Variants in TREM1 observed in about 807,000 individuals in gnomAD.
TREM1 encodes the protein triggering receptor expressed on myeloid cells 1, also known as triggering receptor expressed on monocytes 1.
In TREM1, 16 loss-of-function variants were observed where a neutral mutation model predicts 22.4. The ratio of observed to expected loss-of-function variants is 0.71; its 90% CI spans 0.48 to 1.08. TREM1 has a LOEUF of 1.08. TREM1 is among the 50% of genes least tolerant of loss of function. The pLI is 0.00. For synonymous variants in TREM1, 110 were observed against 111.6 expected (o/e 0.99, Z 0.09); for missense variants, 283 against 282.9 (o/e 1.00, Z 0.00).
In TREM1 at chr6:41,284,019, AC is replaced by A. The variant is rs376249548; in HGVS notation, c.50-1269del. Reference sequence around the variant, plus strand: ...GAGAAAGAAAGAGAGAAAAAAACCCACGTTATCTGAGTCATGGACTCAGCTG... The same window carrying A: ...GAGAAAGAAAGAGAGAAAAAAACCCAGTTATCTGAGTCATGGACTCAGCTG... On this transcript the variant is annotated intron_variant, in intron 1 of 3. Coordinates refer to ENST00000244709, the MANE Select transcript of TREM1 (RefSeq NM_018643.5). Among the ~76,000 whole-genome samples the A allele has an allele frequency of 3.7e-3, 556 of 152,036 alleles. 8 individuals carry two copies. Among genetic ancestry groups the A allele is most frequent in the African/African-American group, 0.013 (522 of 41,498 alleles).
chr6:41,276,142 T>C lies in TREM1; in HGVS notation c.688A>G (p.Arg230Gly). Residue 230 changes from arginine (R) to glycine (G), a missense_variant, in exon 4 of 4, where the codon AGG (arginine) becomes GGG (glycine). Coordinates refer to ENST00000244709, the MANE Select transcript of TREM1 (RefSeq NM_018643.5). ...TCGTGGGCCTAGGGTACAAATGACC[T>C]CAGCGTGACAGCAAACAGGACAGAG... ...VFSVLFAVTL[R>G]SFVP 1 of 1,614,032 alleles carries C rather than the reference T, an allele frequency of 6.2e-7. No homozygotes were observed. The highest frequency in any genetic ancestry group is 1.3e-5 in the African/African-American group (1 of 74,986).
At chr6:41,286,171 A>C (rs1355033329) in intron 1 of TREM1, among the ~76,000 whole-genome samples, 2 of 152,214 alleles carry the variant, frequency 1.3e-5, no homozygotes, top group Admixed American at 1.3e-4. Context: ...CTGTGTCCTC[A>C]GCAGTAGTAT....
At position 41,274,256 on chromosome 6, in the gene TREM1, A is replaced by G. The variant is rs971740963; in HGVS notation, c.*1869T>C. Among the ~76,000 whole-genome samples the G allele has an allele frequency of 1.3e-5, 2 of 152,166 alleles. No homozygotes were observed. The highest frequency in any genetic ancestry group is 4.8e-5 in the African/African-American group (2 of 41,432). Reference sequence around the variant, plus strand: ...TTGAGATCCACTAAGAGGGAGCTGTATACTAGTATACAGTAGGTCTGCAGG... The same window carrying G: ...TTGAGATCCACTAAGAGGGAGCTGTGTACTAGTATACAGTAGGTCTGCAGG... On this transcript the variant is annotated 3_prime_UTR_variant, in exon 4 of 4. Transcript: ENST00000244709.
At chr6:41,273,009 C>T (rs1767526653), downstream of TREM1, among the ~76,000 whole-genome samples, 1 of 152,130 alleles carries the variant, frequency 6.6e-6, no homozygotes, top group Admixed American at 6.5e-5. Context: ...AGCAGCTATT[C>T]CTCCCACCCT....
intron 1 of TREM1, among the ~76,000 whole-genome samples, chr6:41,284,393 G>A (rs1367059332): frequency 1.3e-5 from 2 of 152,118 alleles, no homozygotes; most frequent in African/African-American, 4.8e-5. Flanking sequence ...CTTGGAGTCC[G>A]AACTGGGTTA....
chr6:41,277,807 C>T (rs1464600276), intron 3 of TREM1, among the ~76,000 whole-genome samples: 2 of 152,114 alleles, frequency 1.3e-5, no homozygotes, highest in Non-Finnish European at 2.9e-5. Flanking sequence ...TGTGAGATAC[C>T]CCTTGGTTAT....
At chr6:41,271,683 T>G (rs962732013), downstream of TREM1, among the ~76,000 whole-genome samples, 1 of 152,196 alleles carries the variant, frequency 6.6e-6, no homozygotes, top group Non-Finnish European at 1.5e-5. Context: ...AACTTCAAGA[T>G]GCAGTAGAGG....
In TREM1 at chr6:41,273,891, C is replaced by T. The variant is rs982535548; in HGVS notation, c.*2234G>A. On this transcript the variant is annotated 3_prime_UTR_variant, in exon 4 of 4. Transcript: ENST00000244709. ...GACTGTCTCCCCACCCTCGGCTCTCCTCTCATGCTTCCCATTGGCTCAACC... is the reference window on the plus strand; with the variant it reads ...GACTGTCTCCCCACCCTCGGCTCTCTTCTCATGCTTCCCATTGGCTCAACC... 6.6e-6 allele frequency among the ~76,000 whole-genome samples: 1 copy of T among 152,230 alleles called. No individual in the cohort carries two copies. Among genetic ancestry groups the T allele is most frequent in the Non-Finnish European group, 1.5e-5 (1 of 68,034 alleles).
chr6:41,279,678 A>G (rs945415299), intron 3 of TREM1: 1 of 985,348 alleles, frequency 1.0e-6, no homozygotes, highest in African/African-American at 1.7e-5. Context: ...GCACCAGTTC[A>G]CATTTGTTTT....
At chr6:41,283,715 A>C (rs550316842) in intron 1 of TREM1, among the ~76,000 whole-genome samples, 12 of 134,654 alleles carry the variant, frequency 8.9e-5, no homozygotes, top group Middle Eastern at 3.9e-3. Context: ...CTGTTAAAAA[A>C]AAAAACACAC....
At chr6:41,279,504 G>A (rs1212859707) in intron 3 of TREM1, 34 of 982,468 alleles carry the variant, frequency 3.5e-5, no homozygotes, top group Non-Finnish European at 4.0e-5. Flanking sequence ...ATTGCAAAAT[G>A]AAAGTAGAGG....
chr6:41,285,948 T>C (rs1292172392), intron 1 of TREM1, among the ~76,000 whole-genome samples: 3 of 152,214 alleles, frequency 2.0e-5, no homozygotes, highest in East Asian at 3.8e-4. Flanking sequence ...CTGTTATTCA[T>C]AAGGATTAGG....
In TREM1 at chr6:41,282,511, C is replaced by T. The variant is rs113487579; in HGVS notation, c.290G>A (p.Arg97His). 1.2e-4 allele frequency: 189 copies of T among 1,614,152 alleles called. No homozygotes were observed. The highest frequency in any genetic ancestry group is 6.6e-4 in the Middle Eastern group (4 of 6,062). Reference sequence around the variant, plus strand: ...CACTTGAAGGTTGACCATTCGGACGCGCAGTAAACCATGATCATGGTAGTC... The same window carrying T: ...CACTTGAAGGTTGACCATTCGGACGTGCAGTAAACCATGATCATGGTAGTC... ...LEDYHDHGLLRVRMVNLQVED... is the reference protein window; with the variant it reads ...LEDYHDHGLLHVRMVNLQVED... The change falls in exon 2 of 4, where the codon CGC (arginine) becomes CAC (histidine). Residue 97 changes from arginine to histidine, a missense_variant. Arg to His is a conservative substitution (Grantham distance 29). Coordinates refer to ENST00000244709, the MANE Select transcript of TREM1 (RefSeq NM_018643.5).
chr6:41,269,666 G>C (rs573953073), downstream of TREM1, among the ~76,000 whole-genome samples: 101 of 152,326 alleles, frequency 6.6e-4, no homozygotes, highest in African/African-American at 2.2e-3. Flanking sequence ...TGAGAAAACA[G>C]AGGCCCAGAG....
rs766024513 is a variant in TREM1 at position 41,282,801 on chromosome 6, T to A, written c.50-50A>T. ...TTCTGTGAGGAATTATTTTTCTCTC[T>A]CTGAGTGGGGAAAAAGGAGAGGAGC... On this transcript the variant is annotated intron_variant, in intron 1 of 3. Transcript: ENST00000244709. 5.3e-6 allele frequency: 8 copies of A among 1,499,316 alleles called. No homozygotes were observed. In the Admixed American group the frequency reaches 5.9e-5, roughly 11 times the overall value. The allele number at this position is 1,499,316 out of a possible 1,614,324, so 92.9% of individuals were successfully genotyped here. A position where few individuals can be genotyped will look rare whatever the true frequency, so the allele number is the denominator to read the frequency against.
At chr6:41,270,766 A>G (rs1261921970), downstream of TREM1, among the ~76,000 whole-genome samples, 1 of 152,088 alleles carries the variant, frequency 6.6e-6, no homozygotes, top group Non-Finnish European at 1.5e-5. Context: ...GCTGGAGTGC[A>G]GTGGTGCAAT....
chr6:41,277,145 G>A (rs1196715021), intron 3 of TREM1, among the ~76,000 whole-genome samples: 1 of 151,826 alleles, frequency 6.6e-6, no homozygotes. Flanking sequence ...CAAAGCAATT[G>A]ATTTAAAATC....
chr6:41,276,003 G>A lies in TREM1; in HGVS notation c.*122C>T, dbSNP rs896088153. 18 of 719,946 alleles carry A rather than the reference G, an allele frequency of 2.5e-5. No individual in the cohort carries two copies. The highest frequency in any genetic ancestry group is 5.3e-5 in the East Asian group (2 of 37,970). 44.6% of individuals were successfully genotyped at this position (719,946 alleles called of 1,614,324 possible). ...TGAGACGCTGACTTTAGAAATAGCCGGTGATTACAGATTTAATTCATGTTA... is the reference window on the plus strand; with the variant it reads ...TGAGACGCTGACTTTAGAAATAGCCAGTGATTACAGATTTAATTCATGTTA... On this transcript the variant is annotated 3_prime_UTR_variant, in exon 4 of 4. Transcript: ENST00000244709.
chr6:41,281,785 G>T lies in TREM1; in HGVS notation c.406+610C>A, dbSNP rs547113733. ...GGGGTGCAGAGCCCAGGAAGGCACA[G>T]GTGCTTCCCTCAAGCAGTTCTGAAA... is the stretch of plus-strand genomic sequence containing the variant. On this transcript the variant is annotated intron_variant, in intron 2 of 3. Coordinates refer to ENST00000244709, the MANE Select transcript of TREM1 (RefSeq NM_018643.5). The T allele has an allele frequency of 1.5e-4, 24 of 159,036 alleles. No homozygotes were observed. In the South Asian group the frequency reaches 3.7e-3, roughly 25 times the overall value. The allele number at this position is 159,036 out of a possible 1,614,324, so 9.9% of individuals were successfully genotyped here.
Sources: gnomAD v4.1 joint callset for allele counts (sites outside exome capture counted in the v4.1 genomes callset) on GRCh38, gnomAD v4.1.1 for gene constraint, MANE v1.5 for transcripts, NCBI Gene and HGNC (gene_info 2026-07-23, HGNC 2026-07-21) for gene names.